The following NEDD4 variants were observed in gnomAD, a reference collection of about 807,000 sequenced individuals.
The protein encoded by NEDD4 is E3 ubiquitin-protein ligase NEDD4.
In NEDD4, 99 loss-of-function variants were observed where a neutral mutation model predicts 144.9. The observed-to-expected ratio is 0.68, with a 90% CI of 0.58 to 0.81. The LOEUF (loss-of-function observed/expected upper bound fraction) is 0.81, where lower values mean the gene tolerates loss of function less well. Ranked by LOEUF, NEDD4 falls within the 30% of genes least tolerant of loss-of-function variation. NEDD4 has a pLI of 0.00. For synonymous variants in NEDD4, 318 were observed against 350.6 expected (o/e 0.91, Z 1.04); for missense variants, 985 against 1,065.9 (o/e 0.92, Z 1.06).
chr15:55,892,881 T>G (rs1292191371), intron 5 of NEDD4, among the ~76,000 whole-genome samples: 3 of 152,168 alleles, frequency 2.0e-5, no homozygotes, highest in Admixed American at 6.5e-5. Context: ...TTTCCTTAAC[T>G]AGTTCCCTAT....
chr15:55,844,708 G>A (rs1320864767), intron 18 of NEDD4, among the ~76,000 whole-genome samples: 1 of 152,052 alleles, frequency 6.6e-6, no homozygotes, highest in Non-Finnish European at 1.5e-5. Context: ...TCTGGCATAT[G>A]GTAATTATTA....
chr15:55,960,899 C>T (rs2037414181), intron 2 of NEDD4, among the ~76,000 whole-genome samples: 1 of 152,226 alleles, frequency 6.6e-6, no homozygotes, highest in African/African-American at 2.4e-5. Context: ...TCCTAGATGG[C>T]TCCCCACTTC....
At chr15:55,916,310 A>G in intron 5 of NEDD4, 1 of 1,614,034 alleles carries the variant, frequency 6.2e-7, no homozygotes, top group Admixed American at 1.7e-5. Context: ...CACTTGTGAT[A>G]CTTGCACATG....
chr15:55,895,981 CT>C (rs1407348776), intron 5 of NEDD4, among the ~76,000 whole-genome samples: 1 of 152,196 alleles, frequency 6.6e-6, no homozygotes, highest in African/African-American at 2.4e-5. Context: ...TACGAGGCAT[CT>C]TACAGACTGG....
intron 5 of NEDD4, among the ~76,000 whole-genome samples, chr15:55,903,985 C>A (rs1382110077): frequency 6.6e-6 from 1 of 151,736 alleles, no homozygotes; most frequent in Non-Finnish European, 1.5e-5. Context: ...CACGGTGAAA[C>A]CCCATCTCTA....
intron 2 of NEDD4, among the ~76,000 whole-genome samples, chr15:55,959,336 T>C (rs1319088149): frequency 2.0e-5 from 3 of 152,230 alleles, no homozygotes; most frequent in African/African-American, 4.8e-5. Flanking sequence ...TGGTTTCCAA[T>C]TGAATTCCAC....
intron 1 of NEDD4, among the ~76,000 whole-genome samples, chr15:55,976,052 G>C (rs2142346945): frequency 6.6e-6 from 1 of 152,284 alleles, no homozygotes; most frequent in East Asian, 1.9e-4. Context: ...TTCAATAAAT[G>C]GTGCTGGGAA....
intron 8 of NEDD4, among the ~76,000 whole-genome samples, chr15:55,865,857 T>G (rs947899628): frequency 6.6e-6 from 1 of 152,160 alleles, no homozygotes; most frequent in Non-Finnish European, 1.5e-5. Context: ...TAGCTCTGTA[T>G]AGAAGGTGAC....
chr15:55,933,480 G>A (rs1357831502), intron 4 of NEDD4, among the ~76,000 whole-genome samples: 1 of 141,744 alleles, frequency 7.1e-6, no homozygotes, highest in Admixed American at 7.5e-5. Flanking sequence ...ATTGAATAAT[G>A]AGAACACTTG....
intron 19 of NEDD4, 115 bp from the exon 20 acceptor site, chr15:55,840,842 C>T: frequency 2.0e-6 from 2 of 1,011,778 alleles, no homozygotes; most frequent in Non-Finnish European, 2.9e-6. Flanking sequence ...CACATTCCTC[C>T]ACTGGATTTA....
At chr15:55,912,680 CATT>C (rs1261000087) in intron 5 of NEDD4, among the ~76,000 whole-genome samples, 2 of 152,052 alleles carry the variant, frequency 1.3e-5, no homozygotes, top group East Asian at 3.8e-4. Flanking sequence ...GAATAGCAAT[CATT>C]GTTGTAACTG....
intron 11 of NEDD4, among the ~76,000 whole-genome samples, chr15:55,860,013 A>C (rs1188027300): frequency 6.6e-6 from 1 of 152,238 alleles, no homozygotes; most frequent in African/African-American, 2.4e-5. Flanking sequence ...CATGTAGAGC[A>C]AAGTCCTGCT....
At chr15:55,892,805 A>AAT (rs1302187973) in intron 5 of NEDD4, among the ~76,000 whole-genome samples, 7 of 152,056 alleles carry the variant, frequency 4.6e-5, no homozygotes, top group African/African-American at 1.7e-4. Flanking sequence ...TTCACATATC[A>AAT]ATATATATAG....
At position 55,877,200 on chromosome 15, in the gene NEDD4, T is replaced by G. The variant is rs180733047; in HGVS notation, c.292-3192A>C. The stretch of plus-strand genomic sequence containing the variant: ...TCACCAACTGTCTGCCTAATTTTAG[T>G]CCAGGGTCCAATTCAGACTCATATA... On this transcript the variant is annotated intron_variant, in intron 5 of 28. Coordinates refer to ENST00000435532, the MANE Select transcript of NEDD4 (RefSeq NM_006154.4). Among the ~76,000 whole-genome samples the G allele has an allele frequency of 5.3e-5, 8 of 152,320 alleles. No homozygotes were observed. The East Asian group carries it at 1.5e-3, about 29-fold the overall frequency.
rs1171419495 is a variant in NEDD4 at position 55,992,936 on chromosome 15, A to G, written c.45+575T>C. 2.6e-5 allele frequency among the ~76,000 whole-genome samples: 4 copies of G among 152,254 alleles called. No homozygotes were observed. In the East Asian group the frequency reaches 7.7e-4, roughly 29 times the overall value. On this transcript the variant is annotated intron_variant, in intron 1 of 28. Coordinates refer to ENST00000435532, the MANE Select transcript of NEDD4 (RefSeq NM_006154.4). ...TCTCACACTAGACACTTGTTGCTAA[A>G]GAGGAGGAGGAAAATTTATGTTCCT...
intron 5 of NEDD4, among the ~76,000 whole-genome samples, chr15:55,895,437 G>GT (rs1298301555): frequency 6.6e-6 from 1 of 152,200 alleles, no homozygotes; most frequent in Non-Finnish European, 1.5e-5. Context: ...TTAAAAACAA[G>GT]TAAGTGTGAG....
chr15:55,915,328 C>G, intron 5 of NEDD4: 1 of 1,608,570 alleles, frequency 6.2e-7, no homozygotes, highest in Non-Finnish European at 8.5e-7. Flanking sequence ...CTGTTGCTGT[C>G]TCTTGATAAA....
At chr15:55,949,851 A>T (rs2037205542) in intron 4 of NEDD4, among the ~76,000 whole-genome samples, 1 of 152,172 alleles carries the variant, frequency 6.6e-6, no homozygotes, top group African/African-American at 2.4e-5. Flanking sequence ...ACCTAATGTA[A>T]ATGACAAGTT....
chr15:55,976,005 A>G (rs1017383805), intron 1 of NEDD4, among the ~76,000 whole-genome samples: 2 of 152,210 alleles, frequency 1.3e-5, no homozygotes, highest in African/African-American at 2.4e-5. Context: ...TTTTTGACAA[A>G]GGTGCCATGA....
Sources: gnomAD v4.1 joint callset for allele counts (sites outside exome capture counted in the v4.1 genomes callset) on GRCh38, gnomAD v4.1.1 for gene constraint, MANE v1.5 for transcripts, NCBI Gene and HGNC (gene_info 2026-07-23, HGNC 2026-07-21) for gene names.